The following DLEU7 variants were observed in gnomAD, a reference collection of about 807,000 sequenced individuals.
DLEU7 encodes the protein leukemia-associated protein 7.
Under a neutral mutation model 16.0 loss-of-function variants are expected in DLEU7, and 17 were observed. The ratio of observed to expected loss-of-function variants is 1.06; its 90% confidence interval spans 0.73 to 1.59. DLEU7 has a LOEUF of 1.59. DLEU7 is among the 40% of genes most tolerant of loss of function. The probability of loss-of-function intolerance (pLI) is 0.00; values close to 1 mark genes in which losing one functional copy is unlikely to be tolerated. For missense variants in DLEU7, 308 were observed against 314.9 expected, an observed-to-expected ratio of 0.98 and a Z score of 0.17; for synonymous variants, 113 against 139.8, an observed-to-expected ratio of 0.81 and a Z score of 1.35.
At position 50,726,764 on chromosome 13, in the gene DLEU7, A is replaced by G. The variant is rs938039395; in HGVS notation, c.460-13524T>C. Among the ~76,000 whole-genome samples, 2 of 152,006 alleles carry G rather than the reference A, an allele frequency of 1.3e-5. No individual in the cohort carries two copies. Among genetic ancestry groups the G allele is most frequent in the Non-Finnish European group, 2.9e-5 (2 of 68,004 alleles). On this transcript the variant is annotated intron_variant, in intron 1 of 1. Transcript: ENST00000400393. The surrounding 1 kb of genome is among the most constrained non-coding windows in gnomAD (Gnocchi z 4.0). Reference sequence around the variant, plus strand: ...GTGGCAGTTTCTAATTAGGGCTGTGACCTTGACCATGCCCCCTACCTTCCT... The same window carrying G: ...GTGGCAGTTTCTAATTAGGGCTGTGGCCTTGACCATGCCCCCTACCTTCCT...
chr13:50,837,289 C>T (rs1194925925), intron 1 of DLEU7, among the ~76,000 whole-genome samples: 1 of 152,092 alleles, frequency 6.6e-6, no homozygotes, highest in African/African-American at 2.4e-5. Context: ...GGATGCTCAC[C>T]AGGCAAACCC....
chr13:50,711,689 T>C (rs1873287742), downstream of DLEU7: 1 of 151,752 alleles, frequency 6.6e-6, no homozygotes. Flanking sequence ...GGAATTAATA[T>C]TATTAAGGAC....
At chr13:50,809,617 A>G (rs1009530549) in intron 1 of DLEU7, among the ~76,000 whole-genome samples, 1 of 152,120 alleles carries the variant, frequency 6.6e-6, no homozygotes, top group Non-Finnish European at 1.5e-5. Context: ...GGAAAAGCCC[A>G]TTCAGGCCAA....
At chr13:50,825,196 T>C (rs1877046422) in intron 1 of DLEU7, among the ~76,000 whole-genome samples, 2 of 152,218 alleles carry the variant, frequency 1.3e-5, no homozygotes, top group African/African-American at 4.8e-5. Context: ...AATTATTTTA[T>C]GATTGGCAAA....
intron 1 of DLEU7, among the ~76,000 whole-genome samples, chr13:50,806,976 C>CAAAAAAAAAAA (rs556761618): frequency 3.5e-4 from 19 of 54,174 alleles, no homozygotes; most frequent in African/African-American, 1.2e-3. Flanking sequence ...GACTCCCTCT[C>CAAAAAAAAAAA]AAAAAAAAAA....
At chr13:50,749,441 G>T (rs995403402) in intron 1 of DLEU7, among the ~76,000 whole-genome samples, 1 of 152,020 alleles carries the variant, frequency 6.6e-6, no homozygotes, top group Admixed American at 6.6e-5. Context: ...CTTTTCCTCT[G>T]TGTAGATACC....
Position 50,726,043 on chromosome 13 carries a change from C to A in DLEU7, c.460-12803G>T, listed in dbSNP as rs779489993. On this transcript the variant is annotated intron_variant, in intron 1 of 1. Transcript: ENST00000400393. The surrounding 1 kb of genome is among the most constrained non-coding windows in gnomAD (Gnocchi z 4.0). ...TGTCAGGCCTCAAGGATACAAAGAT[C>A]AATGCAGTGTGATTCCTGCCTTCAA... 9.9e-5 allele frequency among the ~76,000 whole-genome samples: 15 copies of A among 152,198 alleles called. No individual in the cohort carries two copies. The highest frequency in any genetic ancestry group is 2.2e-4 in the Non-Finnish European group (15 of 68,032).
chr13:50,746,364 G>A (rs774875832), intron 1 of DLEU7, among the ~76,000 whole-genome samples: 2 of 152,180 alleles, frequency 1.3e-5, no homozygotes, highest in African/African-American at 2.4e-5. Flanking sequence ...CTAAGGCAAC[G>A]TGATTTAATC....
chr13:50,783,547 T>G (rs1300605683), intron 1 of DLEU7, among the ~76,000 whole-genome samples: 4 of 152,252 alleles, frequency 2.6e-5, no homozygotes, highest in Non-Finnish European at 5.9e-5. Flanking sequence ...CCAGTGGAGC[T>G]TCCCTCCCTA....
chr13:50,753,853 C>T (rs917882532), intron 1 of DLEU7, among the ~76,000 whole-genome samples: 5 of 152,226 alleles, frequency 3.3e-5, no homozygotes, highest in African/African-American at 1.2e-4. Flanking sequence ...GCTGCCAGCA[C>T]ACTGTCACCT....
intron 1 of DLEU7, among the ~76,000 whole-genome samples, chr13:50,802,021 G>A (rs1009886324): frequency 1.3e-5 from 2 of 149,922 alleles, no homozygotes; most frequent in African/African-American, 2.5e-5. Flanking sequence ...GCCACTAAAG[G>A]TGGGCTGTGA....
chr13:50,820,990 G>A (rs1876887402), downstream of DLEU7, among the ~76,000 whole-genome samples: 1 of 151,982 alleles, frequency 6.6e-6, no homozygotes, highest in African/African-American at 2.4e-5. Context: ...ATTCAGATGA[G>A]CCACATTTTA....
intron 1 of DLEU7, among the ~76,000 whole-genome samples, chr13:50,768,804 A>T: frequency 6.6e-6 from 1 of 152,202 alleles, no homozygotes; most frequent in Non-Finnish European, 1.5e-5. Context: ...ATACCCAGTA[A>T]TGGGATGGCT....
At chr13:50,778,185 G>A (rs1875557913) in intron 1 of DLEU7, among the ~76,000 whole-genome samples, 1 of 152,202 alleles carries the variant, frequency 6.6e-6, no homozygotes, top group African/African-American at 2.4e-5. Flanking sequence ...AGCAAGGTAT[G>A]TCTTCTCGTG....
intron 1 of DLEU7, among the ~76,000 whole-genome samples, chr13:50,780,982 C>T (rs1291630821): frequency 6.6e-6 from 1 of 152,194 alleles, no homozygotes; most frequent in Non-Finnish European, 1.5e-5. Context: ...CCAATCCATC[C>T]ATCTGTCCAT....
At chr13:50,720,550 TTGTTATTGTTTTATTCTCA>T (rs1873573937) in intron 1 of DLEU7, among the ~76,000 whole-genome samples, 1 of 152,174 alleles carries the variant, frequency 6.6e-6, no homozygotes, top group Non-Finnish European at 1.5e-5. Context: ...AGTTTTGTGG[TTGTTATTGTTTTATTCTCA>T]TGTTATTGTT....
rs542603992 is a variant in DLEU7 at position 50,826,179 on chromosome 13, C to A, written c.460-2659G>T. Among the ~76,000 whole-genome samples the A allele has an allele frequency of 2.6e-5, 4 of 152,194 alleles. No homozygotes were observed. In the South Asian group the frequency reaches 8.3e-4, roughly 32 times the overall value. ...TGAGAATCTAATGCTGCTGCTGATA[C>A]AACAGGAGGAGGAGCTCAGGTGATA... On this transcript the variant is annotated intron_variant, in intron 1 of 1. Transcript: ENST00000504404.
At chr13:50,811,325 G>C (rs1458279602) in intron 1 of DLEU7, among the ~76,000 whole-genome samples, 1 of 151,970 alleles carries the variant, frequency 6.6e-6, no homozygotes, top group Non-Finnish European at 1.5e-5. Context: ...GTGAGAGGAA[G>C]AACACCAAGA....
downstream of DLEU7, chr13:50,822,612 C>T (rs1390692848): frequency 3.1e-6 from 3 of 981,252 alleles, no homozygotes; most frequent in Non-Finnish European, 3.6e-6. Flanking sequence ...TATTTAGAAA[C>T]AGTAAAAGCT....
Sources: gnomAD v4.1 joint callset for allele counts (sites outside exome capture counted in the v4.1 genomes callset) on GRCh38, gnomAD v4.1.1 for gene constraint, Gnocchi (gnomAD v3.1) non-coding constraint, MANE v1.5 for transcripts, NCBI Gene and HGNC (gene_info 2026-07-23, HGNC 2026-07-21) for gene names.